Variants in AGMO observed in about 807,000 individuals in gnomAD.
AGMO encodes alkylglycerol monooxygenase.
In AGMO, 75 loss-of-function variants were observed where a neutral mutation model predicts 60.2. The ratio of observed to expected loss-of-function variants is 1.25; its 90% CI spans 1.03 to 1.51. AGMO has a LOEUF of 1.51. Among genes scored for constraint, AGMO ranks in the 40% most tolerant of loss-of-function variants. The pLI is 0.00. For missense variants in AGMO, 763 were observed against 525.5 expected (o/e 1.45, Z -4.42); for synonymous variants, 261 against 177.1 (o/e 1.47, Z -3.76).
rs149604767 is a variant in AGMO, at chr7:15,423,253, C to G, written c.514-4600G>C. On this transcript the variant is annotated intron_variant, in intron 4 of 12. Coordinates refer to ENST00000342526, the MANE Select transcript of AGMO (RefSeq NM_001004320.2). The stretch of plus-strand genomic sequence containing the variant: ...GATTGAAGAATCAAATAGCATGTGC[C>G]ACATTCCTTAAGTCTATGATTAGTA... Among the ~76,000 whole-genome samples the G allele has an allele frequency of 5.0e-3, 766 of 152,196 alleles. 5 individuals are homozygous for G. The highest frequency in any genetic ancestry group is 0.017 in the African/African-American group (726 of 41,516).
chr7:15,264,885 G>T (rs1029934486), intron 12 of AGMO, among the ~76,000 whole-genome samples: 6 of 151,966 alleles, frequency 3.9e-5, no homozygotes, highest in African/African-American at 1.4e-4. Flanking sequence ...ATTTCTCGAA[G>T]AACTCAAAAC....
intron 3 of AGMO, among the ~76,000 whole-genome samples, chr7:15,514,251 T>G (rs1177210619): frequency 6.6e-6 from 1 of 152,226 alleles, no homozygotes; most frequent in African/African-American, 2.4e-5. Context: ...TTCTTTTCTC[T>G]GTTAAAGTTT....
At chr7:15,291,494 C>A (rs1320607196) in intron 12 of AGMO, among the ~76,000 whole-genome samples, 2 of 151,944 alleles carry the variant, frequency 1.3e-5, no homozygotes, top group Non-Finnish European at 2.9e-5. Flanking sequence ...GGAAAGTATT[C>A]TTTGTTTGCT....
intron 12 of AGMO, among the ~76,000 whole-genome samples, chr7:15,272,522 T>C (rs1171053923): frequency 6.6e-6 from 1 of 152,094 alleles, no homozygotes; most frequent in Non-Finnish European, 1.5e-5. Flanking sequence ...CTTAATCCAG[T>C]CTATCATTGA....
chr7:15,193,348 A>C, the AGMO span, among the ~76,000 whole-genome samples: 1 of 152,204 alleles, frequency 6.6e-6, no homozygotes, highest in Non-Finnish European at 1.5e-5. Flanking sequence ...ATATTTTACA[A>C]AACAAAATTT....
At chr7:15,167,667 G>C in the AGMO span, among the ~76,000 whole-genome samples, 4 of 152,154 alleles carry the variant, frequency 2.6e-5, no homozygotes, top group African/African-American at 9.7e-5. Context: ...TATTCTGAAA[G>C]CTTTTCAACC....
chr7:15,137,793 G>A, the AGMO span, among the ~76,000 whole-genome samples: 1 of 152,122 alleles, frequency 6.6e-6, no homozygotes. Context: ...TTTAAGCTAG[G>A]GAGTGAAATG....
intron 3 of AGMO, among the ~76,000 whole-genome samples, chr7:15,433,140 A>T (rs1043639129): frequency 1.3e-5 from 2 of 152,110 alleles, no homozygotes; most frequent in Non-Finnish European, 2.9e-5. Flanking sequence ...AATTCATTCT[A>T]ATGCATCCAC....
chr7:15,210,154 A>G (rs1160646121), intron 12 of AGMO, among the ~76,000 whole-genome samples: 2 of 152,136 alleles, frequency 1.3e-5, no homozygotes, highest in Non-Finnish European at 2.9e-5. Flanking sequence ...CAGGGACAAT[A>G]ATTTTTCTTT....
In AGMO at chr7:15,200,904, A is replaced by G. The variant is rs935194123; in HGVS notation, c.*381T>C. ...TACATTTTTATGACTACAAACATGT[A>G]TCTATGCATAATTTTAGCAAACATC... On this transcript the variant is annotated 3_prime_UTR_variant, in exon 13 of 13. Coordinates refer to ENST00000342526, the MANE Select transcript of AGMO (RefSeq NM_001004320.2). 10 of 159,462 alleles carry G rather than the reference A, an allele frequency of 6.3e-5. No homozygotes were observed. Among genetic ancestry groups the G allele is most frequent in the Non-Finnish European group, 1.2e-4 (9 of 73,118 alleles). The allele number at this position is 159,462 out of a possible 1,614,324, so 9.9% of individuals were successfully genotyped here.
chr7:15,485,552 C>G (rs996844704), intron 3 of AGMO, among the ~76,000 whole-genome samples: 1 of 151,980 alleles, frequency 6.6e-6, no homozygotes, highest in Admixed American at 6.6e-5. Flanking sequence ...GTCAGGGAAC[C>G]CTGTTCAATG....
chr7:15,245,162 A>G (rs1328637766), intron 12 of AGMO, among the ~76,000 whole-genome samples: 1 of 152,180 alleles, frequency 6.6e-6, no homozygotes, highest in East Asian at 1.9e-4. Flanking sequence ...ATTGTACATT[A>G]TATGGTACAT....
intron 12 of AGMO, among the ~76,000 whole-genome samples, chr7:15,223,465 A>T (rs983511140): frequency 6.6e-6 from 1 of 152,024 alleles, no homozygotes; most frequent in African/African-American, 2.4e-5. Flanking sequence ...TAAAGATTCT[A>T]TTCAATGAGG....
Position 15,366,226 on chromosome 7 carries a change from TCAAA to T in AGMO, c.1075-8_1075-5del, listed in dbSNP as rs761047879. On this transcript the variant is annotated splice_polypyrimidine_tract_variant and splice_region_variant and intron_variant, in intron 10 of 12. Coordinates refer to ENST00000342526, the MANE Select transcript of AGMO (RefSeq NM_001004320.2). ...GGAGAGTAACTTGCGACAGTGCCTG[TCAAA>T]CAAACACGGAGATCAATGGAGCCGT... 15 of 1,599,168 alleles carry T rather than the reference TCAAA, an allele frequency of 9.4e-6. No individual in the cohort carries two copies. Among genetic ancestry groups the T allele is most frequent in the South Asian group, 2.3e-5 (2 of 88,840 alleles).
intron 3 of AGMO, among the ~76,000 whole-genome samples, chr7:15,454,942 T>G (rs1365204450): frequency 6.6e-6 from 1 of 152,156 alleles, no homozygotes; most frequent in African/African-American, 2.4e-5. Flanking sequence ...CTGCCTTTGG[T>G]ACTTTTCTCC....
At chr7:15,187,005 G>C in the AGMO span, among the ~76,000 whole-genome samples, 1 of 152,112 alleles carries the variant, frequency 6.6e-6, no homozygotes, top group Non-Finnish European at 1.5e-5. Context: ...ATTTAATTTA[G>C]ACCTATTCAT....
chr7:15,392,230 C>T (rs1374030322), intron 6 of AGMO, among the ~76,000 whole-genome samples: 2 of 151,460 alleles, frequency 1.3e-5, no homozygotes, highest in Non-Finnish European at 2.9e-5. Flanking sequence ...CCACTATACC[C>T]GGCTAATTTT....
intron 12 of AGMO, among the ~76,000 whole-genome samples, chr7:15,257,307 G>A (rs1269820912): frequency 6.6e-6 from 1 of 151,796 alleles, no homozygotes; most frequent in African/African-American, 2.4e-5. Flanking sequence ...CAAATAATAA[G>A]GTATGAACTT....
At chr7:15,486,283 T>C (rs1012989614) in intron 3 of AGMO, among the ~76,000 whole-genome samples, 1 of 152,126 alleles carries the variant, frequency 6.6e-6, no homozygotes, top group African/African-American at 2.4e-5. Context: ...GGTACCATTG[T>C]GATTTAGGAG....
Sources: gnomAD v4.1 joint callset for allele counts (sites outside exome capture counted in the v4.1 genomes callset) on GRCh38, gnomAD v4.1.1 for gene constraint, MANE v1.5 for transcripts, NCBI Gene and HGNC (gene_info 2026-07-23, HGNC 2026-07-21) for gene names.